The following FAM81B variants were observed in gnomAD, a reference collection of about 807,000 sequenced individuals.
The protein encoded by FAM81B is family with sequence similarity 81 member B.
In FAM81B, 60 loss-of-function variants were observed where a neutral mutation model predicts 58.7. The observed-to-expected ratio is 1.02, with a 90% CI of 0.83 to 1.27. The LOEUF (loss-of-function observed/expected upper bound fraction) is 1.27, where lower values mean the gene tolerates loss of function less well. Ranked by LOEUF, FAM81B falls within the 50% of genes most tolerant of loss-of-function variation. The pLI is 0.00. For synonymous variants in FAM81B, 189 were observed against 179.6 expected (o/e 1.05, Z -0.42); for missense variants, 491 against 522.0 (o/e 0.94, Z 0.58).
At chr5:95,420,425 A>C in intron 5 of FAM81B, 23 bp downstream of exon 5, 1 of 1,612,874 alleles carries the variant, frequency 6.2e-7, no homozygotes, top group African/African-American at 1.3e-5. Context: ...ATGTTGACTA[A>C]TGTTTAACAG....
chr5:95,426,094 G>GTGTATATATATATA lies in FAM81B; in HGVS notation c.657-2508_657-2507insGTATATATATATAT, dbSNP rs1491455240. 4.5e-4 allele frequency among the ~76,000 whole-genome samples: 54 copies of GTGTATATATATATA among 120,182 alleles called. 1 individual carries two copies. Among genetic ancestry groups the GTGTATATATATATA allele is most frequent in the African/African-American group, 5.6e-4 (17 of 30,630 alleles). 78.8% of individuals were successfully genotyped at this position (120,182 alleles called of 152,430 possible). ...TTATGTTTTCTTCCTATCTCTGTGT[G>GTGTATATATATATA]TATATATATATATATATATATATAT... On this transcript the variant is annotated intron_variant, in intron 5 of 9. Coordinates refer to ENST00000283357, the MANE Select transcript of FAM81B (RefSeq NM_152548.3).
chr5:95,398,958 G>A lies in FAM81B; in HGVS notation c.293+2783G>A, dbSNP rs1035512514. ...TCTGGGATTCTATTTGAAAGTCTCT[G>A]GAGAAAATGAATCCTGAGTTTCTGC... On this transcript the variant is annotated intron_variant, in intron 3 of 9. Transcript: ENST00000283357. 1.2e-4 allele frequency among the ~76,000 whole-genome samples: 19 copies of A among 152,230 alleles called. No homozygotes were observed. In the South Asian group the frequency reaches 3.7e-3, roughly 30 times the overall value.
At chr5:95,395,901 T>C (rs1170181951) in intron 2 of FAM81B, among the ~76,000 whole-genome samples, 3 of 152,242 alleles carry the variant, frequency 2.0e-5, no homozygotes, top group Non-Finnish European at 4.4e-5. Context: ...ACCAAATCTA[T>C]GAAATACAGC....
intron 4 of FAM81B, among the ~76,000 whole-genome samples, chr5:95,415,073 A>G (rs986526197): frequency 6.6e-6 from 1 of 152,168 alleles, no homozygotes; most frequent in African/African-American, 2.4e-5. Flanking sequence ...TTAAGGCATT[A>G]GAGTAAAAAT....
rs1745337825 is a variant in FAM81B at position 95,441,368 on chromosome 5, A to G, written c.893+4462A>G. Reference sequence around the variant, plus strand: ...GGCAGATCACGAGATCAAGAGATGGAGACCATCCTGGCCAGCATAGTGAAA... The same window carrying G: ...GGCAGATCACGAGATCAAGAGATGGGGACCATCCTGGCCAGCATAGTGAAA... On this transcript the variant is annotated intron_variant, in intron 7 of 9. Transcript: ENST00000283357. 2.6e-5 allele frequency among the ~76,000 whole-genome samples: 4 copies of G among 152,110 alleles called. No individual in the cohort carries two copies. The South Asian group carries it at 8.3e-4, about 32-fold the overall frequency.
chr5:95,435,815 G>T (rs1376331554), intron 6 of FAM81B, among the ~76,000 whole-genome samples: 1 of 151,946 alleles, frequency 6.6e-6, no homozygotes, highest in Non-Finnish European at 1.5e-5. Flanking sequence ...ACCTGTAATT[G>T]CCTATTATTA....
intron 9 of FAM81B, 81 bp from the exon 10 acceptor site, chr5:95,450,068 C>T (rs1745739851): frequency 1.4e-6 from 2 of 1,444,644 alleles, no homozygotes; most frequent in Non-Finnish European, 9.3e-7. Flanking sequence ...TCAATTATGG[C>T]AGGACTGCCG....
chr5:95,441,435 G>A (rs1745341886), intron 7 of FAM81B, among the ~76,000 whole-genome samples: 1 of 152,046 alleles, frequency 6.6e-6, no homozygotes, highest in East Asian at 1.9e-4. Flanking sequence ...CGGCCGTGGT[G>A]GCGGGCGCCT....
chr5:95,420,157 C>A, intron 4 of FAM81B, 127 bp from the exon 5 acceptor site: 1 of 1,098,292 alleles, frequency 9.1e-7, no homozygotes, highest in Non-Finnish European at 1.3e-6. Flanking sequence ...TGAGATAGGA[C>A]TCTCTCACTC....
chr5:95,414,340 G>A, intron 4 of FAM81B, 150 bp downstream of exon 4: 4 of 906,532 alleles, frequency 4.4e-6, no homozygotes, highest in South Asian at 3.9e-5. Flanking sequence ...GGTCTAAGAG[G>A]GAAACAGTTC....
Position 95,450,404 on chromosome 5 carries a change from A to T in FAM81B, c.*122A>T. On this transcript the variant is annotated 3_prime_UTR_variant, in exon 10 of 10. Transcript: ENST00000283357. ...TCTAATGTCTCCTTTTAAGGAGACG[A>T]ATGTACCAGAAAAATAATAAAGCAA... is the stretch of plus-strand genomic sequence containing the variant. 2.7e-6 allele frequency: 4 copies of T among 1,457,766 alleles called. No homozygotes were observed. The highest frequency in any genetic ancestry group is 2.8e-5 in the South Asian group (2 of 72,638). The allele number at this position is 1,457,766 out of a possible 1,614,324, so 90.3% of individuals were successfully genotyped here. A position where few individuals can be genotyped will look rare whatever the true frequency, so the allele number is the denominator to read the frequency against.
At chr5:95,423,752 T>C (rs1425644486) in intron 5 of FAM81B, among the ~76,000 whole-genome samples, 1 of 152,124 alleles carries the variant, frequency 6.6e-6, no homozygotes, top group East Asian at 1.9e-4. Context: ...ACTCCATCTT[T>C]AATATAATAT....
At chr5:95,411,457 T>G (rs1039669023) in intron 3 of FAM81B, among the ~76,000 whole-genome samples, 3 of 152,228 alleles carry the variant, frequency 2.0e-5, no homozygotes, top group African/African-American at 7.2e-5. Flanking sequence ...ACATTTGTAT[T>G]TTTACAAGCA....
chr5:95,393,660 A>T (rs900439009), intron 2 of FAM81B, among the ~76,000 whole-genome samples: 3 of 152,218 alleles, frequency 2.0e-5, no homozygotes, highest in Non-Finnish European at 4.4e-5. Flanking sequence ...CCTATAAAAA[A>T]TAGTCATCTT....
intron 7 of FAM81B, among the ~76,000 whole-genome samples, chr5:95,439,616 T>G (rs1238025614): frequency 1.3e-5 from 2 of 152,006 alleles, no homozygotes; most frequent in Admixed American, 6.6e-5. Flanking sequence ...TATTTTTTTT[T>G]TCAATCAGAA....
chr5:95,443,031 T>C (rs1046040078), intron 7 of FAM81B, among the ~76,000 whole-genome samples: 1 of 152,232 alleles, frequency 6.6e-6, no homozygotes. Context: ...CTAGCAGTAA[T>C]AGTTTCCAAG....
At chr5:95,443,620 G>A (rs948526539) in intron 7 of FAM81B, among the ~76,000 whole-genome samples, 2 of 149,936 alleles carry the variant, frequency 1.3e-5, no homozygotes, top group Non-Finnish European at 2.9e-5. Context: ...CATTATGTCC[G>A]GGAAAAGCTT....
At chr5:95,437,163 T>C (rs1446481316) in intron 7 of FAM81B, among the ~76,000 whole-genome samples, 1 of 152,086 alleles carries the variant, frequency 6.6e-6, no homozygotes, top group Non-Finnish European at 1.5e-5. Flanking sequence ...ATTTTTACCC[T>C]TCCTGTAATT....
At chr5:95,432,769 CT>C (rs1163593650) in intron 6 of FAM81B, among the ~76,000 whole-genome samples, 1 of 151,778 alleles carries the variant, frequency 6.6e-6, no homozygotes, top group Non-Finnish European at 1.5e-5. Flanking sequence ...TTGTGCTTTT[CT>C]TTTTTTCCCC....
Sources: allele counts gnomAD v4.1 joint callset (sites outside exome capture counted in the v4.1 genomes callset), GRCh38; gene constraint gnomAD v4.1.1; transcripts MANE v1.5; gene names NCBI Gene and HGNC (gene_info 2026-07-23, HGNC 2026-07-21).